NRXN1: variants seen among roughly 807,000 people sequenced by gnomAD.
The protein encoded by NRXN1 is neurexin-1.
NRXN1 carries 39 observed loss-of-function variants against 150.9 expected under a neutral mutation model. That is an observed-to-expected ratio of 0.26 (90% confidence interval 0.20 to 0.34). NRXN1 has a LOEUF of 0.34. NRXN1 is among the 10% of genes least tolerant of loss of function. The pLI, the probability that NRXN1 is intolerant of heterozygous loss-of-function variation, is 1.00. For missense variants in NRXN1, 1,815 were observed against 1,949.9 expected (o/e 0.93, Z 1.30); for synonymous variants, 924 against 757.0 (o/e 1.22, Z -3.62).
intron 21 of NRXN1, among the ~76,000 whole-genome samples, chr2:49,955,582 G>A (rs369453243): frequency 6.7e-6 from 1 of 149,668 alleles, no homozygotes; most frequent in South Asian, 2.2e-4. Context: ...GGAAGGGACT[G>A]AGAAAAACAT....
chr2:50,114,472 C>G (rs951309869), intron 18 of NRXN1, among the ~76,000 whole-genome samples: 1 of 152,114 alleles, frequency 6.6e-6, no homozygotes, highest in Non-Finnish European at 1.5e-5. Context: ...ATCAAACATA[C>G]TCTTACTACA....
At chr2:50,527,438 T>C (rs556113674) in intron 12 of NRXN1, among the ~76,000 whole-genome samples, 115 of 152,304 alleles carry the variant, frequency 7.6e-4, no homozygotes, top group African/African-American at 2.6e-3. Context: ...TTTCAGGAAC[T>C]ATTTTGTTCG....
intron 17 of NRXN1, among the ~76,000 whole-genome samples, chr2:50,270,215 G>A (rs1013742774): frequency 1.3e-5 from 2 of 152,088 alleles, no homozygotes; most frequent in African/African-American, 4.8e-5. Context: ...ATGGTTGCTG[G>A]TCACCATGAG....
At chr2:50,228,867 G>A (rs1312442292) in intron 18 of NRXN1, among the ~76,000 whole-genome samples, 1 of 151,974 alleles carries the variant, frequency 6.6e-6, no homozygotes, top group East Asian at 1.9e-4. Flanking sequence ...ATTCAGGGCT[G>A]TGCTCTGTTG....
chr2:50,561,196 T>C (rs1024827), intron 8 of NRXN1, among the ~76,000 whole-genome samples: 65,130 of 152,106 alleles, frequency 0.43, 16,086 homozygotes, highest in African/African-American at 0.68. Context: ...GTAGAAGTTA[T>C]TCATGGGAGT....
chr2:50,380,358 T>A lies in NRXN1; in HGVS notation c.3364+85084A>T, dbSNP rs1449640867. 2.6e-5 allele frequency among the ~76,000 whole-genome samples: 4 copies of A among 152,024 alleles called. No individual in the cohort carries two copies. In the South Asian group the frequency reaches 8.3e-4, roughly 31 times the overall value. On this transcript the variant is annotated intron_variant, in intron 17 of 22. Transcript: ENST00000401669. ...TCTTAACTCTGCTGATTATACTATA[T>A]AACATATCATGACTATCTTAACTGT...
chr2:50,587,774 T>C (rs1283907108), intron 8 of NRXN1, among the ~76,000 whole-genome samples: 6 of 152,112 alleles, frequency 3.9e-5, no homozygotes, highest in Non-Finnish European at 8.8e-5. Context: ...ATGTCTCAAT[T>C]ATGAAAGTGA....
chr2:50,551,817 T>A (rs941542856), intron 9 of NRXN1, among the ~76,000 whole-genome samples: 1 of 152,064 alleles, frequency 6.6e-6, no homozygotes, highest in African/African-American at 2.4e-5. Flanking sequence ...CCTCCTTCCC[T>A]CTCTTTCTCA....
At chr2:50,918,052 C>T (rs1218252341) in intron 5 of NRXN1, 7 of 151,566 alleles carry the variant, frequency 4.6e-5, no homozygotes, top group Admixed American at 4.0e-4. Context: ...TTAACAATTA[C>T]AATTAGCTTT....
intron 5 of NRXN1, among the ~76,000 whole-genome samples, chr2:50,870,838 A>G (rs899177114): frequency 6.6e-6 from 1 of 151,754 alleles, no homozygotes; most frequent in Admixed American, 6.6e-5. Flanking sequence ...TTTATCATCA[A>G]TATCTCAAGC....
rs371142694 is a variant in NRXN1, at chr2:50,538,424, G to T, written c.1972C>A (p.Gln658Lys). 6.2e-7 allele frequency: 1 copy of T among 1,613,842 alleles called. No homozygotes were observed. Among genetic ancestry groups the T allele is most frequent in the Non-Finnish European group, 8.5e-7 (1 of 1,179,884 alleles). The change falls in exon 10 of 23, where the codon CAA (glutamine) becomes AAA (lysine). Residue 658 changes from glutamine to lysine, a missense_variant. Physicochemically the swap from Gln to Lys is moderately conservative, Grantham distance 53. Coordinates refer to ENST00000401669, the MANE Select transcript of NRXN1 (RefSeq NM_001330078.2). The part of the protein sequence containing the change: ...FIDGQSKDIR[Q>K]MAEVQSTAGV... ...GCAGTACTTTGAACTTCAGCCATTT[G>T]CCGGATATCTTTGCTTTGGCCATCG...
chr2:50,874,508 G>A (rs997334766), intron 5 of NRXN1, among the ~76,000 whole-genome samples: 9 of 151,746 alleles, frequency 5.9e-5, no homozygotes, highest in African/African-American at 1.2e-4. Context: ...CTTTGAAATC[G>A]TTTTACTGTT....
chr2:50,177,805 CTCT>C (rs1204255167), intron 18 of NRXN1, among the ~76,000 whole-genome samples: 16 of 145,152 alleles, frequency 1.1e-4, no homozygotes, highest in East Asian at 4.1e-4. Context: ...CTCTCTCTCT[CTCT>C]CTCCTCCTCT....
At chr2:50,145,238 A>C (rs1192188786) in intron 18 of NRXN1, among the ~76,000 whole-genome samples, 2 of 151,678 alleles carry the variant, frequency 1.3e-5, no homozygotes, top group Non-Finnish European at 3.0e-5. Context: ...CCTATTACTA[A>C]AATTTAACAC....
intron 17 of NRXN1, among the ~76,000 whole-genome samples, chr2:50,391,564 T>G (rs1462296947): frequency 6.6e-6 from 1 of 152,132 alleles, no homozygotes; most frequent in Non-Finnish European, 1.5e-5. Context: ...TACATGATAT[T>G]GAAGCGTTGG....
chr2:50,262,246 A>T (rs1286446032), intron 17 of NRXN1, among the ~76,000 whole-genome samples: 1 of 151,886 alleles, frequency 6.6e-6, no homozygotes, highest in Non-Finnish European at 1.5e-5. Flanking sequence ...AATTCTTTCT[A>T]TGATTAAAAT....
intron 18 of NRXN1, among the ~76,000 whole-genome samples, chr2:50,136,701 C>T (rs1480308189): frequency 2.0e-5 from 3 of 152,276 alleles, no homozygotes; most frequent in East Asian, 3.9e-4. Context: ...GCCATGAAAT[C>T]CTATGTGCAA....
chr2:50,788,071 C>A (rs1354405793), intron 5 of NRXN1, among the ~76,000 whole-genome samples: 1 of 151,518 alleles, frequency 6.6e-6, no homozygotes, highest in Non-Finnish European at 1.5e-5. Context: ...TTCTATCTTG[C>A]CTGCTTTATT....
chr2:50,352,080 T>G (rs957975484), intron 17 of NRXN1, among the ~76,000 whole-genome samples: 3 of 152,288 alleles, frequency 2.0e-5, no homozygotes, highest in Admixed American at 6.5e-5. Context: ...TAAAAGAACC[T>G]AAGGACTGTA....
Sources: gnomAD v4.1 joint callset for allele counts (sites outside exome capture counted in the v4.1 genomes callset) on GRCh38, gnomAD v4.1.1 for gene constraint, MANE v1.5 for transcripts, NCBI Gene and HGNC (gene_info 2026-07-23, HGNC 2026-07-21) for gene names.